Variants in UBE2E2 observed in about 807,000 individuals in gnomAD.
UBE2E2 encodes ubiquitin conjugating enzyme E2 E2.
In UBE2E2, 6 loss-of-function variants were observed where a neutral mutation model predicts 24.7. That is an observed-to-expected ratio of 0.24 (90% CI 0.13 to 0.48). UBE2E2 has a LOEUF of 0.48. UBE2E2 is among the 20% of genes least tolerant of loss of function. The pLI is 0.99. For synonymous variants in UBE2E2, 104 were observed against 83.6 expected (o/e 1.24, Z -1.33); for missense variants, 169 against 245.0 (o/e 0.69, Z 2.07).
chr3:23,530,280 G>C (rs1478543550), intron 4 of UBE2E2, among the ~76,000 whole-genome samples: 5 of 152,108 alleles, frequency 3.3e-5, no homozygotes, highest in East Asian at 1.9e-4. Flanking sequence ...CAATTGTTCA[G>C]ATCTCCAATA....
chr3:23,311,631 G>T (rs1694395550), intron 3 of UBE2E2, among the ~76,000 whole-genome samples: 1 of 152,132 alleles, frequency 6.6e-6, no homozygotes, highest in Non-Finnish European at 1.5e-5. Context: ...AAAATGGATT[G>T]AACTAAATCA....
intron 3 of UBE2E2, among the ~76,000 whole-genome samples, chr3:23,434,756 G>A (rs931871821): frequency 6.6e-6 from 1 of 152,094 alleles, no homozygotes; most frequent in African/African-American, 2.4e-5. Flanking sequence ...GATGTGAGAA[G>A]GAAAAACTGA....
chr3:23,537,200 C>G (rs1695286941), intron 5 of UBE2E2, among the ~76,000 whole-genome samples: 1 of 152,206 alleles, frequency 6.6e-6, no homozygotes, highest in South Asian at 2.1e-4. Context: ...GCCTTCAGAC[C>G]ATAAGCTGCC....
At chr3:23,553,750 A>C (rs1489950322) in intron 5 of UBE2E2, among the ~76,000 whole-genome samples, 1 of 152,192 alleles carries the variant, frequency 6.6e-6, no homozygotes, top group Non-Finnish European at 1.5e-5. Flanking sequence ...ATTTCTGTAC[A>C]CAAGTGACAA....
intron 3 of UBE2E2, among the ~76,000 whole-genome samples, chr3:23,416,229 A>AC (rs1391040400): frequency 6.6e-6 from 1 of 152,164 alleles, no homozygotes. Context: ...CTTATAGTAG[A>AC]ATGATTCATA....
At chr3:23,424,629 A>G (rs1413996850) in intron 3 of UBE2E2, among the ~76,000 whole-genome samples, 1 of 152,178 alleles carries the variant, frequency 6.6e-6, no homozygotes, top group Non-Finnish European at 1.5e-5. Context: ...TAAGAATGAA[A>G]AAGCAAATTG....
intron 3 of UBE2E2, among the ~76,000 whole-genome samples, chr3:23,372,666 TTTC>T (rs1473476048): frequency 1.3e-5 from 2 of 152,172 alleles, no homozygotes; most frequent in East Asian, 1.9e-4. Context: ...TGAAGCTGCT[TTTC>T]TTTTTTTTCT....
intron 3 of UBE2E2, among the ~76,000 whole-genome samples, chr3:23,402,491 A>G (rs1170935407): frequency 6.6e-6 from 1 of 152,222 alleles, no homozygotes; most frequent in African/African-American, 2.4e-5. Flanking sequence ...GGGTTGATTA[A>G]AGTTTAGAAA....
chr3:23,478,224 A>T (rs1383613183), intron 3 of UBE2E2, among the ~76,000 whole-genome samples: 4 of 152,238 alleles, frequency 2.6e-5, no homozygotes, highest in African/African-American at 9.6e-5. Context: ...GCTGCCTAGT[A>T]TGCAAAGATA....
At chr3:23,310,049 C>G (rs1038574806) in intron 3 of UBE2E2, among the ~76,000 whole-genome samples, 1 of 152,124 alleles carries the variant, frequency 6.6e-6, no homozygotes, top group Admixed American at 6.5e-5. Flanking sequence ...ATCACTAAGA[C>G]GGGCCCATGT....
At chr3:23,442,465 G>A (rs552265121) in intron 3 of UBE2E2, among the ~76,000 whole-genome samples, 7 of 152,048 alleles carry the variant, frequency 4.6e-5, no homozygotes, top group South Asian at 4.2e-4. Context: ...CTAAGTGTTC[G>A]TAAAGACATA....
At chr3:23,266,225 C>G (rs181104872) in intron 3 of UBE2E2, among the ~76,000 whole-genome samples, 4,372 of 152,252 alleles carry the variant, frequency 0.029, 109 homozygotes, top group East Asian at 0.13. Flanking sequence ...TTAGTTGATG[C>G]AGTTTCTTCC....
Position 23,280,643 on chromosome 3 carries a change from A to C in UBE2E2, c.227+63331A>C, listed in dbSNP as rs1007129484. Among the ~76,000 whole-genome samples the C allele has an allele frequency of 1.3e-5, 2 of 152,148 alleles. No homozygotes were observed. Among genetic ancestry groups the C allele is most frequent in the African/African-American group, 4.8e-5 (2 of 41,442 alleles). On this transcript the variant is annotated intron_variant, in intron 3 of 5. Coordinates refer to ENST00000396703, the MANE Select transcript of UBE2E2 (RefSeq NM_152653.4). The surrounding 1 kb of genome is among the most constrained non-coding windows in gnomAD (Gnocchi z 4.3). The stretch of plus-strand genomic sequence containing the variant: ...AGAAATGGTGCCTTCTTTTGGTGGC[A>C]TTTGCCATAATTGTCCTAATAACTG...
intron 3 of UBE2E2, among the ~76,000 whole-genome samples, chr3:23,255,887 C>T (rs1243407655): frequency 6.6e-6 from 1 of 152,162 alleles, no homozygotes; most frequent in East Asian, 1.9e-4. Flanking sequence ...TTGCTTGAAC[C>T]CAGGAGTTTG....
intron 3 of UBE2E2, among the ~76,000 whole-genome samples, chr3:23,483,245 C>A (rs2125443635): frequency 6.6e-6 from 1 of 152,316 alleles, no homozygotes; most frequent in East Asian, 1.9e-4. Context: ...ACTGTGTAAC[C>A]ATTGCCAAGC....
intron 3 of UBE2E2, among the ~76,000 whole-genome samples, chr3:23,494,353 TGTA>T (rs1291792220): frequency 6.6e-6 from 1 of 152,214 alleles, no homozygotes; most frequent in Non-Finnish European, 1.5e-5. Flanking sequence ...CATTTCAACA[TGTA>T]GTTGTTCATT....
intron 5 of UBE2E2, among the ~76,000 whole-genome samples, chr3:23,565,471 T>TC (rs34532882): frequency 4.7e-4 from 57 of 121,904 alleles, no homozygotes; most frequent in Non-Finnish European, 8.5e-4. Flanking sequence ...TTTTTTTTTT[T>TC]CAGTGAAAGA....
At chr3:23,316,461 C>G (rs923290438) in intron 3 of UBE2E2, among the ~76,000 whole-genome samples, 2 of 151,942 alleles carry the variant, frequency 1.3e-5, no homozygotes, top group Non-Finnish European at 2.9e-5. Context: ...GGGCTCTTCA[C>G]TTAGCTTGTG....
chr3:23,435,770 A>G (rs1698163419), intron 3 of UBE2E2, among the ~76,000 whole-genome samples: 2 of 152,192 alleles, frequency 1.3e-5, no homozygotes, highest in African/African-American at 4.8e-5. Context: ...CCCTTTGGTA[A>G]GGTGGATGGT....
Sources: allele counts gnomAD v4.1 joint callset (sites outside exome capture counted in the v4.1 genomes callset), GRCh38; gene constraint gnomAD v4.1.1; non-coding constraint Gnocchi (gnomAD v3.1); transcripts MANE v1.5; gene names NCBI Gene and HGNC (gene_info 2026-07-23, HGNC 2026-07-21).